MLIP: variants seen among roughly 807,000 people sequenced by gnomAD.
MLIP encodes the protein muscular LMNA interacting protein.
A neutral mutation model predicts 84.8 loss-of-function variants in MLIP; 79 were observed. That is an observed-to-expected ratio of 0.93 (90% CI 0.78 to 1.12). MLIP has a LOEUF of 1.12. Ranked by LOEUF, MLIP falls within the 50% of genes most tolerant of loss-of-function variation. The pLI is 0.00. For missense variants in MLIP, 1,257 were observed against 1,160.6 expected, an observed-to-expected ratio of 1.08 and a Z score of -1.21; for synonymous variants, 504 against 463.0, an observed-to-expected ratio of 1.09 and a Z score of -1.14.
upstream of MLIP, among the ~76,000 whole-genome samples, chr6:54,108,096 C>T (rs142922706): frequency 2.7e-3 from 404 of 152,156 alleles, 3 homozygotes; most frequent in South Asian, 0.014. Context: ...ATAAGGGTGA[C>T]GGATGCCTGC....
chr6:54,242,213 G>C (rs1202619580), intron 12 of MLIP, among the ~76,000 whole-genome samples: 1 of 152,156 alleles, frequency 6.6e-6, no homozygotes, highest in Non-Finnish European at 1.5e-5. Context: ...TCACAAGCTG[G>C]CTTTAGCCTG....
chr6:54,111,312 C>A, upstream of MLIP: 3 of 1,178,158 alleles, frequency 2.5e-6, no homozygotes, highest in East Asian at 3.0e-5. Context: ...ATTGTCAAAA[C>A]AGAAATCTAC....
intron 12 of MLIP, among the ~76,000 whole-genome samples, chr6:54,255,197 C>T (rs536551288): frequency 5.3e-5 from 8 of 152,250 alleles, no homozygotes; most frequent in Admixed American, 1.3e-4. Flanking sequence ...GGCATATTGC[C>T]ACCTCATACT....
intron 10 of MLIP, among the ~76,000 whole-genome samples, chr6:54,190,758 T>C (rs1777827717): frequency 6.6e-6 from 1 of 151,922 alleles, no homozygotes; most frequent in South Asian, 2.1e-4. Flanking sequence ...ATTGAAGTCA[T>C]GAAATAAGTT....
At chr6:54,258,754 T>C (rs1783190515) in intron 13 of MLIP, among the ~76,000 whole-genome samples, 1 of 152,038 alleles carries the variant, frequency 6.6e-6, no homozygotes, top group Non-Finnish European at 1.5e-5. Context: ...ACTATTATTA[T>C]TCTTTTTAGA....
intron 3 of MLIP, among the ~76,000 whole-genome samples, chr6:54,126,937 C>CCATG (rs1281384906): frequency 3.3e-5 from 5 of 152,098 alleles, no homozygotes; most frequent in Non-Finnish European, 5.9e-5. Flanking sequence ...TTTAACCTTT[C>CCATG]CATGACCTAG....
rs536837739 is a variant in MLIP at position 54,189,063 on chromosome 6, G to GA, written c.2545-801dup. 2.6e-3 allele frequency among the ~76,000 whole-genome samples: 401 copies of GA among 152,272 alleles called. 1 individual carries two copies. Among genetic ancestry groups the GA allele is most frequent in the African/African-American group, 8.7e-3 (362 of 41,566 alleles). On this transcript the variant is annotated intron_variant, in intron 9 of 13. Coordinates refer to ENST00000502396, the MANE Select transcript of MLIP (RefSeq NM_001281747.2). ...GACAACATCCAAGACAGTAAGGCCTGAAAAAACCACAAAAACCTTTACTTT... is the reference window on the plus strand; with the variant it reads ...GACAACATCCAAGACAGTAAGGCCTGAAAAAAACCACAAAAACCTTTACTTT...
rs1406810873 is a variant in MLIP at position 54,111,475 on chromosome 6, A to G, written c.-5A>G. On this transcript the variant is annotated 5_prime_UTR_variant, in exon 1 of 14. Transcript: ENST00000502396. Reference sequence around the variant, plus strand: ...GGTTTGCTCGCTCCCTTATGTGATGAATCAATGCTTTCAGAACAGGGGCTT... The same window carrying G: ...GGTTTGCTCGCTCCCTTATGTGATGGATCAATGCTTTCAGAACAGGGGCTT... The G allele has an allele frequency of 2.3e-5, 36 of 1,535,854 alleles. No individual in the cohort carries two copies. Among genetic ancestry groups the G allele is most frequent in the Non-Finnish European group, 2.7e-5 (31 of 1,146,826 alleles).
chr6:54,165,766 A>G (rs1201158103), intron 8 of MLIP, among the ~76,000 whole-genome samples: 1 of 151,924 alleles, frequency 6.6e-6, no homozygotes, highest in Non-Finnish European at 1.5e-5. Context: ...AAAGGTCTGA[A>G]TATTTGTGCC....
At chr6:54,068,088 T>TTCC in intron 1 of MLIP, among the ~76,000 whole-genome samples, 1 of 22,262 alleles carries the variant, frequency 4.5e-5, no homozygotes, top group Non-Finnish European at 9.5e-5. Flanking sequence ...TCCTTCCTTC[T>TTCC]TTTTCTCTCT....
At chr6:54,159,458 T>C (rs1774385726) in intron 5 of MLIP, among the ~76,000 whole-genome samples, 1 of 152,034 alleles carries the variant, frequency 6.6e-6, no homozygotes, top group African/African-American at 2.4e-5. Flanking sequence ...GATAAGAATA[T>C]AAAAAACTAT....
At chr6:54,030,277 A>T (rs1359562) in intron 1 of MLIP, among the ~76,000 whole-genome samples, 136,800 of 152,220 alleles carry the variant, frequency 0.9, 61,953 homozygotes, top group Admixed American at 0.95. Flanking sequence ...TCAGTGGAGA[A>T]TAATTATATT....
At chr6:54,109,934 T>TTCCTTCCTTCCTTCCTTCCC (rs1769314978), upstream of MLIP, among the ~76,000 whole-genome samples, 1 of 113,394 alleles carries the variant, frequency 8.8e-6, no homozygotes, top group South Asian at 3.6e-4. Context: ...TCTTCCTTCC[T>TTCCTTCCTTCCTTCCTTCCC]TCCTTCCTTC....
intron 11 of MLIP, chr6:54,216,587 AT>A (rs1779868831): frequency 1.0e-6 from 1 of 976,892 alleles, no homozygotes; most frequent in African/African-American, 1.7e-5. Context: ...CTTAAAAATT[AT>A]GTTGTGATTA....
chr6:54,220,964 A>C (rs1301218903), intron 11 of MLIP, among the ~76,000 whole-genome samples: 1 of 152,112 alleles, frequency 6.6e-6, no homozygotes, highest in African/African-American at 2.4e-5. Flanking sequence ...TACAATAATA[A>C]AACTCTGTTC....
chr6:54,134,398 G>A (rs994810058), intron 3 of MLIP, among the ~76,000 whole-genome samples: 3 of 151,774 alleles, frequency 2.0e-5, no homozygotes, highest in Admixed American at 2.0e-4. Flanking sequence ...ATACATCGTG[G>A]CATATTTGCA....
At chr6:54,200,724 C>T (rs1370877091) in intron 10 of MLIP, among the ~76,000 whole-genome samples, 1 of 150,676 alleles carries the variant, frequency 6.6e-6, no homozygotes, top group African/African-American at 2.5e-5. Context: ...CATTTTTCCC[C>T]TTGAGAAAAA....
intron 1 of MLIP, among the ~76,000 whole-genome samples, chr6:54,048,090 G>A (rs1765170611): frequency 6.6e-6 from 1 of 152,158 alleles, no homozygotes; most frequent in Non-Finnish European, 1.5e-5. Flanking sequence ...TCCTGAGAAG[G>A]GAGGTGGTAC....
chr6:54,056,545 A>T (rs1765672016), intron 1 of MLIP, among the ~76,000 whole-genome samples: 1 of 151,966 alleles, frequency 6.6e-6, no homozygotes, highest in Non-Finnish European at 1.5e-5. Flanking sequence ...GGAGTGAGAG[A>T]CCTCTTCTAC....
Sources: gnomAD v4.1 joint callset for allele counts (sites outside exome capture counted in the v4.1 genomes callset) on GRCh38, gnomAD v4.1.1 for gene constraint, MANE v1.5 for transcripts, NCBI Gene and HGNC (gene_info 2026-07-23, HGNC 2026-07-21) for gene names.